The following GUCY1A2 variants were observed in gnomAD, a reference collection of about 807,000 sequenced individuals.
GUCY1A2 encodes guanylate cyclase soluble subunit alpha-2.
In GUCY1A2, 27 loss-of-function variants were observed where a neutral mutation model predicts 63.5. The observed-to-expected ratio is 0.43, with a 90% CI of 0.31 to 0.59. The LOEUF is 0.59. Among genes scored for constraint, GUCY1A2 ranks in the 20% least tolerant of loss-of-function variants. The pLI is 0.11. For synonymous variants in GUCY1A2, 364 were observed against 343.5 expected, an observed-to-expected ratio of 1.06 and a Z score of -0.66; for missense variants, 768 against 913.3, an observed-to-expected ratio of 0.84 and a Z score of 2.05.
chr11:106,825,236 T>C (rs1197290426), intron 4 of GUCY1A2, among the ~76,000 whole-genome samples: 1 of 152,114 alleles, frequency 6.6e-6, no homozygotes, highest in African/African-American at 2.4e-5. Flanking sequence ...TTGTCTTAAG[T>C]TTTTTATGCC....
At chr11:106,949,398 T>C (rs1404657303) in intron 3 of GUCY1A2, among the ~76,000 whole-genome samples, 1 of 152,192 alleles carries the variant, frequency 6.6e-6, no homozygotes, top group Admixed American at 6.6e-5. Flanking sequence ...CAACAATCTC[T>C]CTCTCATTTA....
At chr11:106,789,364 T>C (rs979649664) in intron 5 of GUCY1A2, among the ~76,000 whole-genome samples, 7 of 152,256 alleles carry the variant, frequency 4.6e-5, no homozygotes, top group Admixed American at 4.6e-4. Flanking sequence ...TTGTTAAATG[T>C]ACCTGACAGA....
intron 3 of GUCY1A2, among the ~76,000 whole-genome samples, chr11:106,969,580 C>T (rs980068906): frequency 6.7e-6 from 1 of 150,296 alleles, no homozygotes; most frequent in Non-Finnish European, 1.5e-5. Flanking sequence ...CAAAAAAAAA[C>T]AGTATTTCAA....
intron 5 of GUCY1A2, among the ~76,000 whole-genome samples, chr11:106,805,319 C>T (rs1355783737): frequency 1.3e-5 from 2 of 151,566 alleles, no homozygotes; most frequent in Admixed American, 6.6e-5. Flanking sequence ...GATCTCAGCT[C>T]ACTGCAACCT....
At chr11:106,883,925 C>A (rs1859861922) in intron 4 of GUCY1A2, among the ~76,000 whole-genome samples, 1 of 152,022 alleles carries the variant, frequency 6.6e-6, no homozygotes, top group Non-Finnish European at 1.5e-5. Flanking sequence ...TCATTCTCAG[C>A]AAACTATCGC....
At chr11:106,798,333 GT>G (rs1864806168) in intron 5 of GUCY1A2, among the ~76,000 whole-genome samples, 1 of 152,070 alleles carries the variant, frequency 6.6e-6, no homozygotes, top group South Asian at 2.1e-4. Flanking sequence ...TCTACCAGAG[GT>G]ACAAGGAGGA....
At chr11:106,827,728 G>C in intron 4 of GUCY1A2, 14 of 1,539,714 alleles carry the variant, frequency 9.1e-6, no homozygotes, top group Non-Finnish European at 1.3e-5. Flanking sequence ...TTAGAAATCT[G>C]CTTGAAATTT....
At chr11:106,991,519 C>T (rs1023133268) in intron 1 of GUCY1A2, among the ~76,000 whole-genome samples, 2 of 152,086 alleles carry the variant, frequency 1.3e-5, no homozygotes, top group African/African-American at 2.4e-5. Flanking sequence ...TCCAATGTGT[C>T]GTTACGGTTG....
At chr11:106,992,022 TCA>T (rs572494036) in intron 1 of GUCY1A2, among the ~76,000 whole-genome samples, 49 of 152,292 alleles carry the variant, frequency 3.2e-4, no homozygotes, top group Admixed American at 2.2e-3. Flanking sequence ...TTGCCCTGTG[TCA>T]CACAGATAAA....
intron 4 of GUCY1A2, among the ~76,000 whole-genome samples, chr11:106,848,013 T>C (rs7483731): frequency 0.3 from 45,727 of 151,342 alleles, 7,238 homozygotes; most frequent in Non-Finnish European, 0.34. Context: ...ATCTGGACAC[T>C]GATTACTTAA....
At chr11:106,950,453 C>T (rs1032106304) in intron 3 of GUCY1A2, among the ~76,000 whole-genome samples, 38 of 152,188 alleles carry the variant, frequency 2.5e-4, no homozygotes, top group African/African-American at 9.2e-4. Context: ...CACACCTGGC[C>T]CCTTATTCTG....
intron 5 of GUCY1A2, among the ~76,000 whole-genome samples, chr11:106,783,563 C>G (rs1218952571): frequency 1.3e-5 from 2 of 152,118 alleles, no homozygotes; most frequent in Non-Finnish European, 2.9e-5. Flanking sequence ...AGGCTACAGT[C>G]TGAGGACCAG....
rs559921927 is a variant in GUCY1A2 at position 106,819,807 on chromosome 11, A to T, written c.1207-9329T>A. 3.2e-4 allele frequency among the ~76,000 whole-genome samples: 49 copies of T among 152,286 alleles called. 1 individual carries two copies. In the South Asian group the frequency reaches 6.2e-3, roughly 19 times the overall value. ...ACCAGAGAATACCATTCAGCCTTAC[A>T]AAAGAAAAAAAATACTGTCTTTTGA... is the stretch of plus-strand genomic sequence containing the variant. On this transcript the variant is annotated intron_variant, in intron 4 of 7. Transcript: ENST00000526355.
At chr11:106,896,169 A>G (rs879580658) in intron 4 of GUCY1A2, among the ~76,000 whole-genome samples, 56 of 152,018 alleles carry the variant, frequency 3.7e-4, no homozygotes, top group Non-Finnish European at 7.9e-4. Flanking sequence ...TTTAATATTT[A>G]AAAATAAATT....
At chr11:106,742,635 G>A (rs979675001) in intron 6 of GUCY1A2, among the ~76,000 whole-genome samples, 1 of 152,092 alleles carries the variant, frequency 6.6e-6, no homozygotes, top group African/African-American at 2.4e-5. Flanking sequence ...ATTGTGAATA[G>A]TACTGCAATG....
intron 1 of GUCY1A2, among the ~76,000 whole-genome samples, chr11:106,989,212 AAG>A (rs1861440252): frequency 6.6e-6 from 1 of 152,228 alleles, no homozygotes; most frequent in South Asian, 2.1e-4. Context: ...CCTTTTCTGC[AAG>A]GAGTTTGGAA....
At chr11:106,721,782 A>G (rs1863321128) in intron 6 of GUCY1A2, among the ~76,000 whole-genome samples, 1 of 152,220 alleles carries the variant, frequency 6.6e-6, no homozygotes, top group Non-Finnish European at 1.5e-5. Context: ...CAAAACTGTA[A>G]TTAAGAAATT....
chr11:106,928,077 A>C (rs1026750186), intron 4 of GUCY1A2, among the ~76,000 whole-genome samples: 11 of 152,200 alleles, frequency 7.2e-5, no homozygotes, highest in Non-Finnish European at 2.9e-5. Context: ...TTAGATCTAC[A>C]CCTACCTTAT....
chr11:106,974,032 G>A (rs1376201071), intron 3 of GUCY1A2, among the ~76,000 whole-genome samples: 1 of 152,102 alleles, frequency 6.6e-6, no homozygotes, highest in Non-Finnish European at 1.5e-5. Flanking sequence ...CAGCTAGTAA[G>A]TAGCTGAGAT....
Sources: gnomAD v4.1 joint callset for allele counts (sites outside exome capture counted in the v4.1 genomes callset) on GRCh38, gnomAD v4.1.1 for gene constraint, MANE v1.5 for transcripts, NCBI Gene and HGNC (gene_info 2026-07-23, HGNC 2026-07-21) for gene names.